MUC22: variants seen among roughly 807,000 people sequenced by gnomAD.
The protein encoded by MUC22 is mucin-22.
Under a neutral mutation model 40.3 loss-of-function variants are expected in MUC22, and 24 were observed. The observed-to-expected ratio is 0.60, with a 90% CI of 0.43 to 0.84. The LOEUF is 0.84. Ranked by LOEUF, MUC22 falls within the 40% of genes least tolerant of loss-of-function variation. MUC22 has a pLI of 0.00. For synonymous variants in MUC22, 765 were observed against 844.5 expected (o/e 0.91, Z 1.63); for missense variants, 1,926 against 2,130.7 (o/e 0.90, Z 1.89).
rs547544175 is a variant in MUC22, at chr6:31,029,819, C to A, written c.4388C>A (p.Ser1463Tyr). 6.1e-5 allele frequency: 93 copies of A among 1,533,496 alleles called. 2 individuals are homozygous for A. The East Asian group carries it at 2.2e-3, about 36-fold the overall frequency. 95.0% of individuals were successfully genotyped at this position (1,533,496 alleles called of 1,614,324 possible). Reference sequence around the variant, plus strand: ...ACCACCACAGCCTCCACTTCAGGCTCTGAGACCAACACAGCCTGTACCACA... The same window carrying A: ...ACCACCACAGCCTCCACTTCAGGCTATGAGACCAACACAGCCTGTACCACA... The change falls in exon 2 of 4, where the codon TCT becomes TAT. Residue 1463 changes from serine (S) to tyrosine (Y), a missense_variant. Coordinates refer to ENST00000561890, the Ensembl canonical transcript of MUC22.
At chr6:31,027,542 A>G in exon 2 of MUC22, 1 of 1,528,708 alleles carries the variant, frequency 6.5e-7, no homozygotes, top group Middle Eastern at 1.7e-4. Context: ...TCAGACTCTG[A>G]GACCACCACA....
In MUC22 at chr6:31,027,603, GA is replaced by G. The variant is rs1202779401; in HGVS notation, c.2173del (p.Thr725ProfsTer27). 8.5e-6 allele frequency: 13 copies of G among 1,526,920 alleles called. No homozygotes were observed. The highest frequency in any genetic ancestry group is 1.1e-5 in the Non-Finnish European group (12 of 1,142,796). The allele number at this position is 1,526,920 out of a possible 1,614,324, so 94.6% of individuals were successfully genotyped here. ...CTACAGTCACTACCGCAGGCTCTGAGACCAAAACAGCCTATACTACAGGCTC... is the reference window on the plus strand; with the variant it reads ...CTACAGTCACTACCGCAGGCTCTGAGCCAAAACAGCCTATACTACAGGCTC... On this transcript the variant is annotated frameshift_variant, in exon 2 of 4. Coordinates refer to ENST00000561890, the Ensembl canonical transcript of MUC22. LOFTEE classifies it high-confidence loss of function.
chr6:31,018,137 G>T (rs1199023749), intron 1 of MUC22, among the ~76,000 whole-genome samples: 1 of 152,222 alleles, frequency 6.6e-6, no homozygotes, highest in Non-Finnish European at 1.5e-5. Context: ...ACCAATTCTG[G>T]ATACACTTTC....
intron 1 of MUC22, among the ~76,000 whole-genome samples, chr6:31,017,048 G>A (rs1457570361): frequency 6.6e-6 from 1 of 152,190 alleles, no homozygotes; most frequent in Non-Finnish European, 1.5e-5. Flanking sequence ...GGCACGGCTT[G>A]GGACCTGCAG....
chr6:31,030,825 G>A (rs1416894412), intron 2 of MUC22, among the ~76,000 whole-genome samples: 1 of 152,136 alleles, frequency 6.6e-6, no homozygotes, highest in African/African-American at 2.4e-5. Context: ...CACATTTCAT[G>A]GGTCAAGTCT....
At chr6:31,025,802 G>T (rs1765242165) in exon 2 of MUC22, 8 of 1,531,656 alleles carry the variant, frequency 5.2e-6, no homozygotes, top group Non-Finnish European at 7.0e-6. Flanking sequence ...TCCACTGCAG[G>T]CTCTGAAACT....
At chr6:31,028,370 C>G in exon 2 of MUC22, 2 of 1,533,232 alleles carry the variant, frequency 1.3e-6, no homozygotes, top group South Asian at 2.4e-5. Flanking sequence ...GCCTCCATCA[C>G]AGGCTCTGAG....
intron 1 of MUC22, among the ~76,000 whole-genome samples, chr6:31,022,653 G>C (rs1764956918): frequency 6.6e-6 from 1 of 152,096 alleles, no homozygotes; most frequent in African/African-American, 2.4e-5. Flanking sequence ...GACAACAGTG[G>C]TACAAGGGAT....
At chr6:31,021,007 C>A (rs537991393) in intron 1 of MUC22, among the ~76,000 whole-genome samples, 1 of 146,698 alleles carries the variant, frequency 6.8e-6, no homozygotes, top group African/African-American at 2.5e-5. Context: ...CCTCCCACCC[C>A]CTCCATGGGC....
exon 2 of MUC22, chr6:31,026,760 C>G (rs1765403802): frequency 2.7e-6 from 4 of 1,508,282 alleles, no homozygotes; most frequent in African/African-American, 1.4e-5. Context: ...CTACTGCAGG[C>G]TCAGAGACCA....
intron 1 of MUC22, among the ~76,000 whole-genome samples, chr6:31,014,368 C>A (rs994963434): frequency 2.5e-5 from 3 of 117,766 alleles, no homozygotes; most frequent in African/African-American, 8.5e-5. Context: ...ATTTGGAAGC[C>A]TCTGTCCAAC....
rs1396871290 is a variant in MUC22, at chr6:31,027,146, G to A, written c.1715G>A (p.Ser572Asn). 1.8e-5 allele frequency: 27 copies of A among 1,501,544 alleles called. 3 individuals carry two copies. Among genetic ancestry groups the A allele is most frequent in the Non-Finnish European group, 2.4e-5 (27 of 1,124,514 alleles). The allele number at this position is 1,501,544 out of a possible 1,614,324, so 93.0% of individuals were successfully genotyped here. ...GAGACCACCAAGGTCTCCACTGCAA[G>A]CTCTGAGGTGACCACAGTCTTTGCT... The change falls in exon 2 of 4, where the codon AGC becomes AAC. Residue 572 changes from serine (S) to asparagine (N), a missense_variant. By Grantham distance (46) the Ser-to-Asn change is conservative. Around this residue, in one of 3 missense-constraint regions of MUC22, gnomAD observed 1,281 missense variants for 1,337.8 expected, o/e 0.96. Coordinates refer to ENST00000561890, the Ensembl canonical transcript of MUC22.
exon 1 of MUC22, chr6:31,010,529 A>G (rs1763792927): frequency 7.0e-6 from 4 of 568,496 alleles, no homozygotes; most frequent in African/African-American, 1.9e-5. Flanking sequence ...GCTCCCCCCA[A>G]CCATGCCATC....
In MUC22 at chr6:31,029,224, A is replaced by G. The variant is rs1167349851; in HGVS notation, c.3793A>G (p.Thr1265Ala). Residue 1265 changes from threonine to alanine, a missense_variant, in exon 2 of 4, where the codon ACC (threonine) becomes GCC (alanine). Coordinates refer to ENST00000561890, the Ensembl canonical transcript of MUC22. ...TACAGTCTCCTCCACAGGCTCTGAG[A>G]CCACCACAGTCTCTACCACAGGCAC... is the stretch of plus-strand genomic sequence containing the variant. The G allele has an allele frequency of 3.3e-6, 5 of 1,535,382 alleles. No homozygotes were observed. Among genetic ancestry groups the G allele is most frequent in the Non-Finnish European group, 3.5e-6 (4 of 1,146,848 alleles).
intron 1 of MUC22, among the ~76,000 whole-genome samples, chr6:31,015,590 T>G (rs1168155536): frequency 6.6e-6 from 1 of 152,188 alleles, no homozygotes; most frequent in Non-Finnish European, 1.5e-5. Flanking sequence ...TGACTCATAG[T>G]TTAGCTGGTT....
At position 31,011,839 on chromosome 6, in the gene MUC22, C is replaced by T. The variant is rs745922232; in HGVS notation, c.70+1063C>T. 5.3e-5 allele frequency among the ~76,000 whole-genome samples: 8 copies of T among 152,116 alleles called. No individual in the cohort carries two copies. The highest frequency in any genetic ancestry group is 1.9e-4 in the East Asian group (1 of 5,204). On this transcript the variant is annotated intron_variant, in intron 1 of 3. Coordinates refer to ENST00000561890, the Ensembl canonical transcript of MUC22. This position sits in a 1 kb window ranked among gnomAD's most constrained non-coding sequence, Gnocchi z 4.5. ...AAGTGTTCCCTGATCACTGCATCTA[C>T]GCCAACATCTACTGTTTTTTGATTT...
intron 1 of MUC22, among the ~76,000 whole-genome samples, chr6:31,020,763 C>T (rs1320453704): frequency 2.6e-5 from 4 of 152,104 alleles, no homozygotes; most frequent in African/African-American, 7.2e-5. Context: ...GCGGCGCTTG[C>T]GGGCCAGCTG....
chr6:31,012,292 GC>G (rs1487386551), intron 1 of MUC22, among the ~76,000 whole-genome samples: 1 of 152,034 alleles, frequency 6.6e-6, no homozygotes, highest in African/African-American at 2.4e-5. Flanking sequence ...CTCTGGATTC[GC>G]TCCCTCGCCC....
At chr6:31,014,447 A>G (rs931835105) in intron 1 of MUC22, among the ~76,000 whole-genome samples, 3 of 152,236 alleles carry the variant, frequency 2.0e-5, no homozygotes, top group Middle Eastern at 3.4e-3. Flanking sequence ...TTGTCCTGCA[A>G]TCTGTATTCA....
Sources: gnomAD v4.1 joint callset for allele counts (sites outside exome capture counted in the v4.1 genomes callset) on GRCh38, gnomAD v4.1.1 for gene constraint, gnomAD v4.1.1 regional missense constraint, Gnocchi (gnomAD v3.1) non-coding constraint, MANE v1.5 for transcripts, NCBI Gene and HGNC (gene_info 2026-07-23, HGNC 2026-07-21) for gene names.